DLGAP1: variants seen among roughly 807,000 people sequenced by gnomAD.
DLGAP1 encodes the protein DLG associated protein 1, also known as disks large-associated protein 1.
In DLGAP1, 11 loss-of-function variants were observed where a neutral mutation model predicts 90.8. The ratio of observed to expected loss-of-function variants is 0.12; its 90% confidence interval spans 0.08 to 0.20. DLGAP1 has a LOEUF of 0.20. DLGAP1 is among the 10% of genes least tolerant of loss of function. DLGAP1 has a pLI of 1.00. For missense variants in DLGAP1, 1,050 were observed against 1,333.8 expected (o/e 0.79, Z 3.31); for synonymous variants, 558 against 540.7 (o/e 1.03, Z -0.44).
intron 7 of DLGAP1, among the ~76,000 whole-genome samples, chr18:3,671,293 ATCTC>A: frequency 6.7e-6 from 1 of 149,728 alleles, no homozygotes; most frequent in East Asian, 2.0e-4. Flanking sequence ...TAACACCCCT[ATCTC>A]TCTCTCTCTT....
At chr18:3,580,672 C>T (rs1057425503) in intron 8 of DLGAP1, 298 of 1,610,096 alleles carry the variant, frequency 1.9e-4, no homozygotes, top group Non-Finnish European at 2.5e-4. Context: ...TGGGCCCGGC[C>T]CCTGAGGACG....
Position 4,175,869 on chromosome 18 carries a change from T to C in DLGAP1, c.-266-24582A>G, listed in dbSNP as rs112170874. 3.2e-3 allele frequency among the ~76,000 whole-genome samples: 492 copies of C among 152,270 alleles called. 2 individuals carry two copies. The highest frequency in any genetic ancestry group is 0.011 in the African/African-American group (476 of 41,566). ...TTGAAGTCGGGTAGTGTGATGCCTC[T>C]AGCTTTGTTCTTTTTGCTTAGGATT... On this transcript the variant is annotated intron_variant, in intron 1 of 12. Coordinates refer to ENST00000315677, the MANE Select transcript of DLGAP1 (RefSeq NM_004746.4).
intron 7 of DLGAP1, among the ~76,000 whole-genome samples, chr18:3,708,940 T>G (rs2061520990): frequency 6.6e-6 from 1 of 152,152 alleles, no homozygotes; most frequent in Non-Finnish European, 1.5e-5. Flanking sequence ...TTGAGATGCC[T>G]TACACCTCTT....
At chr18:3,529,746 A>T (rs2051870862) in intron 10 of DLGAP1, among the ~76,000 whole-genome samples, 1 of 152,198 alleles carries the variant, frequency 6.6e-6, no homozygotes, top group African/African-American at 2.4e-5. Context: ...CCAGGGCGAT[A>T]CCCAGTTCAG....
intron 1 of DLGAP1, among the ~76,000 whole-genome samples, chr18:4,198,279 T>C (rs577806131): frequency 1.7e-3 from 258 of 152,094 alleles, no homozygotes; most frequent in African/African-American, 5.9e-3. Context: ...ACACCTATCA[T>C]TGGATTTCTA....
intron 1 of DLGAP1, chr18:4,248,532 G>A (rs1326875955): frequency 2.6e-5 from 4 of 152,154 alleles, no homozygotes; most frequent in African/African-American, 9.7e-5. Flanking sequence ...AATTACTCAA[G>A]GGGGGAAAGG....
chr18:3,621,559 C>A (rs1003092407), intron 7 of DLGAP1, among the ~76,000 whole-genome samples: 4 of 152,210 alleles, frequency 2.6e-5, no homozygotes, highest in African/African-American at 9.6e-5. Context: ...ACTGTTCAAA[C>A]CGTGTTCAAA....
chr18:3,696,010 T>G (rs1234136953), intron 7 of DLGAP1, among the ~76,000 whole-genome samples: 2 of 152,218 alleles, frequency 1.3e-5, no homozygotes, highest in Non-Finnish European at 2.9e-5. Flanking sequence ...CTATTACTGG[T>G]GTATAAGAAT....
rs144845642 is a variant in DLGAP1 at position 4,060,032 on chromosome 18, G to A, written c.-158-54831C>T. On this transcript the variant is annotated intron_variant, in intron 2 of 12. Transcript: ENST00000315677. ...AATGGAATTAGTGGGAAAAAGCCCCGCACAACTTGCTCCCTCTGTTACAAG... is the reference window on the plus strand; with the variant it reads ...AATGGAATTAGTGGGAAAAAGCCCCACACAACTTGCTCCCTCTGTTACAAG... Among the ~76,000 whole-genome samples, 760 of 152,232 alleles carry A rather than the reference G, an allele frequency of 5.0e-3. 6 individuals are homozygous for A. Among genetic ancestry groups the A allele is most frequent in the Non-Finnish European group, 8.3e-3 (566 of 68,010 alleles).
intron 3 of DLGAP1, among the ~76,000 whole-genome samples, chr18:3,911,006 A>C (rs766185956): frequency 6.6e-6 from 1 of 152,174 alleles, no homozygotes; most frequent in Non-Finnish European, 1.5e-5. Context: ...GGAGGATAAG[A>C]CATTTAAACA....
chr18:3,973,143 T>C (rs979836077), intron 3 of DLGAP1, among the ~76,000 whole-genome samples: 4 of 152,106 alleles, frequency 2.6e-5, no homozygotes, highest in African/African-American at 9.7e-5. Flanking sequence ...AGTAATCCAA[T>C]CTTTATTGAA....
intron 1 of DLGAP1, among the ~76,000 whole-genome samples, chr18:4,400,471 C>T (rs1391687946): frequency 2.6e-5 from 4 of 152,216 alleles, no homozygotes; most frequent in African/African-American, 9.6e-5. Context: ...TGGGGCCAAT[C>T]CAGAGAAGGA....
At position 3,653,409 on chromosome 18, in the gene DLGAP1, T is replaced by C. The variant is rs1350390416; in HGVS notation, c.1592-71161A>G. On this transcript the variant is annotated intron_variant, in intron 7 of 12. Coordinates refer to ENST00000315677, the MANE Select transcript of DLGAP1 (RefSeq NM_004746.4). This position sits in a 1 kb window ranked among gnomAD's most constrained non-coding sequence, Gnocchi z 4.6. ...AAACTGAACTTTTTCCCTATTCACT[T>C]ATTTTTCCTCATTGCAAAATAATCA... 1 of 152,262 alleles carries C rather than the reference T, an allele frequency of 6.6e-6. No individual in the cohort carries two copies. Among genetic ancestry groups the C allele is most frequent in the Non-Finnish European group, 1.5e-5 (1 of 68,048 alleles). 9.4% of individuals were successfully genotyped at this position (152,262 alleles called of 1,614,324 possible).
At chr18:3,652,749 G>T (rs1311852481) in intron 7 of DLGAP1, among the ~76,000 whole-genome samples, 1 of 152,166 alleles carries the variant, frequency 6.6e-6, no homozygotes, top group East Asian at 1.9e-4. Flanking sequence ...GCTTTCAAAA[G>T]AATGTGATGT....
intron 1 of DLGAP1, among the ~76,000 whole-genome samples, chr18:4,277,061 A>C (rs2079433633): frequency 2.0e-5 from 3 of 152,256 alleles, no homozygotes; most frequent in South Asian, 4.1e-4. Flanking sequence ...AAAAAGAAGA[A>C]AAAGTTTAAA....
intron 7 of DLGAP1, among the ~76,000 whole-genome samples, chr18:3,616,984 C>T (rs1052337277): frequency 3.3e-5 from 5 of 152,088 alleles, no homozygotes; most frequent in Non-Finnish European, 7.4e-5. Flanking sequence ...CCAAGTGAGT[C>T]CATGTGAAAG....
At chr18:4,388,198 T>C (rs1298344745) in intron 1 of DLGAP1, among the ~76,000 whole-genome samples, 1 of 151,730 alleles carries the variant, frequency 6.6e-6, no homozygotes, top group African/African-American at 2.4e-5. Context: ...TAAAGAGTGT[T>C]AAGAAATGCA....
At chr18:3,725,248 T>C (rs1260863350) in intron 7 of DLGAP1, among the ~76,000 whole-genome samples, 1 of 152,228 alleles carries the variant, frequency 6.6e-6, no homozygotes, top group Non-Finnish European at 1.5e-5. Context: ...TTTCTGCCTA[T>C]TTAGACTATT....
chr18:4,435,596 T>A (rs1212569054), intron 1 of DLGAP1, among the ~76,000 whole-genome samples: 1 of 152,210 alleles, frequency 6.6e-6, no homozygotes, highest in Non-Finnish European at 1.5e-5. Flanking sequence ...AGGGCACTGA[T>A]GTAAAATCAC....
Sources: allele counts gnomAD v4.1 joint callset (sites outside exome capture counted in the v4.1 genomes callset), GRCh38; gene constraint gnomAD v4.1.1; non-coding constraint Gnocchi (gnomAD v3.1); transcripts MANE v1.5; gene names NCBI Gene and HGNC (gene_info 2026-07-23, HGNC 2026-07-21).